SCRG1: variants seen among roughly 807,000 people sequenced by gnomAD.
SCRG1 encodes the protein stimulator of chondrogenesis 1.
SCRG1 carries 3 observed loss-of-function variants against 7.7 expected under a neutral mutation model. That is an observed-to-expected ratio of 0.39 (90% confidence interval 0.18 to 1.01). The LOEUF (loss-of-function observed/expected upper bound fraction) is 1.01, where lower values mean the gene tolerates loss of function less well. Ranked by LOEUF, SCRG1 falls within the 50% of genes least tolerant of loss-of-function variation. The pLI is 0.36. For missense variants in SCRG1, 110 were observed against 117.2 expected (o/e 0.94, Z 0.28); for synonymous variants, 46 against 41.2 (o/e 1.12, Z -0.44).
chr4:173,398,974 C>T (rs1159106316), intron 1 of SCRG1, 94 bp downstream of exon 1: 1 of 152,206 alleles, frequency 6.6e-6, no homozygotes, highest in Non-Finnish European at 1.5e-5. Context: ...TCTTCTGACT[C>T]AACACATACA....
the SCRG1 span, among the ~76,000 whole-genome samples, chr4:173,447,879 C>A: frequency 6.6e-6 from 1 of 151,980 alleles, no homozygotes; most frequent in African/African-American, 2.4e-5. Flanking sequence ...CCGAGGCAGG[C>A]GAATCACCTG....
At chr4:173,496,173 A>C in the SCRG1 span, among the ~76,000 whole-genome samples, 1 of 152,212 alleles carries the variant, frequency 6.6e-6, no homozygotes, top group Non-Finnish European at 1.5e-5. Flanking sequence ...AAAGATTTTA[A>C]GTAGGGAAAC....
chr4:173,416,321 T>C, the SCRG1 span, among the ~76,000 whole-genome samples: 1 of 152,272 alleles, frequency 6.6e-6, no homozygotes, highest in Non-Finnish European at 1.5e-5. Flanking sequence ...GCAGATCCTG[T>C]CTGCCATAAG....
At chr4:173,484,690 T>A in the SCRG1 span, among the ~76,000 whole-genome samples, 1 of 96,468 alleles carries the variant, frequency 1.0e-5, no homozygotes, top group African/African-American at 4.4e-5. Context: ...ATATATATTA[T>A]ATATTATATG....
the SCRG1 span, chr4:173,419,440 TG>T: frequency 9.6e-7 from 1 of 1,044,214 alleles, no homozygotes; most frequent in Non-Finnish European, 1.5e-6. Flanking sequence ...CCATCAAGTC[TG>T]GAGTTACGCT....
the SCRG1 span, among the ~76,000 whole-genome samples, chr4:173,412,204 T>G: frequency 1.3e-5 from 2 of 152,154 alleles, no homozygotes; most frequent in African/African-American, 4.8e-5. Flanking sequence ...GTGGTCTAAC[T>G]TAAGCTACTT....
chr4:173,403,035 A>G (rs921377176), upstream of SCRG1: 1 of 152,222 alleles, frequency 6.6e-6, no homozygotes, highest in Non-Finnish European at 1.5e-5. Flanking sequence ...ACAACTATAT[A>G]AAGTTTCCCT....
chr4:173,511,938 G>C, the SCRG1 span, among the ~76,000 whole-genome samples: 1 of 152,154 alleles, frequency 6.6e-6, no homozygotes, highest in Non-Finnish European at 1.5e-5. This position sits in a 1 kb window ranked among gnomAD's most constrained non-coding sequence, Gnocchi z 5.2. Flanking sequence ...CCAGAGGCAG[G>C]TCTCCTGAAT....
the SCRG1 span, among the ~76,000 whole-genome samples, chr4:173,484,188 CTATATTA>C: frequency 3.2e-5 from 2 of 62,126 alleles, no homozygotes; most frequent in Non-Finnish European, 5.3e-5. Flanking sequence ...AATATATTTT[CTATATTA>C]TATATTATAT....
At chr4:173,492,558 G>T in the SCRG1 span, among the ~76,000 whole-genome samples, 1 of 152,298 alleles carries the variant, frequency 6.6e-6, no homozygotes, top group South Asian at 2.1e-4. Flanking sequence ...AAACTCTCTA[G>T]ATCTGCCAAG....
the SCRG1 span, among the ~76,000 whole-genome samples, chr4:173,442,397 C>G: frequency 2.9e-3 from 443 of 152,254 alleles, 1 homozygote; most frequent in Non-Finnish European, 4.3e-3. Flanking sequence ...GATCATGTGA[C>G]GGAACAGATG....
the SCRG1 span, among the ~76,000 whole-genome samples, chr4:173,424,909 A>AAAATAAAATAAAATAAAATAAAATT: frequency 6.6e-6 from 1 of 151,456 alleles, no homozygotes; most frequent in African/African-American, 2.4e-5. Flanking sequence ...AAAATAAAAT[A>AAAATAAAATAAAATAAAATAAAATT]AAATAAAATA....
chr4:173,395,646 A>T (rs1334469280), intron 1 of SCRG1, among the ~76,000 whole-genome samples: 1 of 152,198 alleles, frequency 6.6e-6, no homozygotes, highest in African/African-American at 2.4e-5. Context: ...TACTACTCTC[A>T]TAGCTCCCTT....
the SCRG1 span, among the ~76,000 whole-genome samples, chr4:173,454,137 C>T: frequency 2.0e-5 from 3 of 150,278 alleles, no homozygotes; most frequent in Non-Finnish European, 4.4e-5. Flanking sequence ...GGCAGCTGGG[C>T]CAGGGAAGGG....
At chr4:173,506,325 T>C in the SCRG1 span, among the ~76,000 whole-genome samples, 1 of 152,268 alleles carries the variant, frequency 6.6e-6, no homozygotes, top group East Asian at 1.9e-4. The surrounding 1 kb of genome is among the most constrained non-coding windows in gnomAD (Gnocchi z 5.3). Flanking sequence ...TAGGAGTGTA[T>C]GCTAGAGGCT....
chr4:173,416,880 G>T, the SCRG1 span, among the ~76,000 whole-genome samples: 1 of 148,560 alleles, frequency 6.7e-6, no homozygotes, highest in Non-Finnish European at 1.5e-5. Flanking sequence ...AGAACTCTCC[G>T]GATTTCATCA....
chr4:173,493,108 T>C, the SCRG1 span, among the ~76,000 whole-genome samples: 177 of 152,242 alleles, frequency 1.2e-3, no homozygotes, highest in Middle Eastern at 0.017. Context: ...GAGTCACTGT[T>C]ATTACGGTTT....
the SCRG1 span, among the ~76,000 whole-genome samples, chr4:173,500,265 C>G: frequency 6.6e-6 from 1 of 152,214 alleles, no homozygotes; most frequent in Admixed American, 6.5e-5. Flanking sequence ...ATTCTTACGA[C>G]GGTGGGTCAC....
At chr4:173,497,072 C>G in the SCRG1 span, among the ~76,000 whole-genome samples, 2 of 152,180 alleles carry the variant, frequency 1.3e-5, no homozygotes, top group African/African-American at 4.8e-5. Flanking sequence ...CACCACTGCA[C>G]TCCAGCCTGG....
Sources: allele counts gnomAD v4.1 joint callset (sites outside exome capture counted in the v4.1 genomes callset), GRCh38; gene constraint gnomAD v4.1.1; non-coding constraint Gnocchi (gnomAD v3.1); transcripts MANE v1.5; gene names NCBI Gene and HGNC (gene_info 2026-07-23, HGNC 2026-07-21).